The following GAB3 variants were observed in gnomAD, a reference collection of about 807,000 sequenced individuals.
The protein encoded by GAB3 is GRB2 associated binding protein 3.
Under a neutral mutation model 40.4 loss-of-function variants are expected in GAB3, and 12 were observed. That is an observed-to-expected ratio of 0.30 (90% CI 0.19 to 0.48). The LOEUF (loss-of-function observed/expected upper bound fraction) is 0.48, where lower values mean the gene tolerates loss of function less well. GAB3 is among the 20% of genes least tolerant of loss of function. The pLI is 0.99. For synonymous variants in GAB3, 154 were observed against 176.7 expected, an observed-to-expected ratio of 0.87 and a Z score of 1.02; for missense variants, 381 against 461.9, an observed-to-expected ratio of 0.82 and a Z score of 1.61.
At chrX:154,738,573 G>A (rs1276005846) in intron 1 of GAB3, among the ~76,000 whole-genome samples, 4 of 111,709 alleles carry the variant, frequency 3.6e-5, no homozygotes, top group Non-Finnish European at 7.5e-5. Flanking sequence ...GGCCAGCATT[G>A]GAGTTGCTGT....
rs1331783333 is a variant in GAB3, at chrX:154,676,584, TGCTTCTTTGAAAATCAAAACG to T, written c.*1573_*1593del. 1 of 112,189 alleles carries T rather than the reference TGCTTCTTTGAAAATCAAAACG, an allele frequency of 8.9e-6. No homozygotes were observed. The highest frequency in any genetic ancestry group is 3.2e-5 in the African/African-American group (1 of 30,820). 9.2% of individuals were successfully genotyped at this position (112,189 alleles called of 1,213,427 possible). On this transcript the variant is annotated 3_prime_UTR_variant, in exon 10 of 10. Transcript: ENST00000424127. ...GGAAGAAAATAATGTCACCAGAACC[TGCTTCTTTGAAAATCAAAACG>T]GCTTCTTTGAAAATCAAAATGACTT... is the stretch of plus-strand genomic sequence containing the variant.
chrX:154,700,408 C>T (rs782003950), intron 4 of GAB3, among the ~76,000 whole-genome samples: 12 of 111,045 alleles, frequency 1.1e-4, no homozygotes, highest in Admixed American at 5.8e-4. Flanking sequence ...AACAGAGAAA[C>T]GATTGCCTTG....
intron 2 of GAB3, 118 bp from the exon 3 acceptor site, chrX:154,713,544 T>G (rs1557256915): frequency 1.9e-6 from 1 of 532,602 alleles, no homozygotes; most frequent in Non-Finnish European, 3.1e-6. Context: ...GTGTTTGTAC[T>G]GATGGAGAAG....
intron 4 of GAB3, among the ~76,000 whole-genome samples, chrX:154,707,473 T>C (rs2070829599): frequency 8.9e-6 from 1 of 112,534 alleles, no homozygotes; most frequent in South Asian, 3.6e-4. Flanking sequence ...TACAATTATT[T>C]GTCAGTTAAA....
Position 154,700,006 on chromosome X carries a change from A to T in GAB3, c.1123T>A (p.Leu375Met). Residue 375 changes from leucine (L) to methionine (M), a missense_variant and splice_region_variant, in exon 5 of 10, where the codon TTG becomes ATG. Leu to Met is a conservative substitution (Grantham distance 15). Around this residue, in one of 2 missense-constraint regions of GAB3, gnomAD observed 364 missense variants for 421.0 expected, o/e 0.86. Coordinates refer to ENST00000424127, the MANE Select transcript of GAB3 (RefSeq NM_001081573.3). The part of the protein sequence containing the change: ...RHRDKRLSLN[L>M]PCRFSPMYPT... ...AAGAACCTGAATGTTGAACTTACCAAATTCAAACTAAGCCGCTTGTCTCGG... is the reference window on the plus strand; with the variant it reads ...AAGAACCTGAATGTTGAACTTACCATATTCAAACTAAGCCGCTTGTCTCGG... The T allele has an allele frequency of 8.3e-7, 1 of 1,206,919 alleles. No homozygotes were observed. Among genetic ancestry groups the T allele is most frequent in the Non-Finnish European group, 1.1e-6 (1 of 892,333 alleles).
chrX:154,698,303 A>AT (rs1436344932), intron 6 of GAB3, among the ~76,000 whole-genome samples: 1 of 111,866 alleles, frequency 8.9e-6, no homozygotes, highest in African/African-American at 3.3e-5. Context: ...TGGATTTTAC[A>AT]TATCTTCCTC....
intron 4 of GAB3, among the ~76,000 whole-genome samples, chrX:154,712,010 T>C (rs782109443): frequency 8.9e-6 from 1 of 112,077 alleles, no homozygotes; most frequent in Admixed American, 9.4e-5. Context: ...CCACCAAGGA[T>C]CCAGCCCCAT....
intron 1 of GAB3, among the ~76,000 whole-genome samples, chrX:154,740,387 G>A (rs2071418893): frequency 8.9e-6 from 1 of 112,097 alleles, no homozygotes; most frequent in African/African-American, 3.2e-5. Flanking sequence ...GTATATGCAT[G>A]GAATATATCT....
intron 2 of GAB3, among the ~76,000 whole-genome samples, chrX:154,714,727 C>A (rs1338001392): frequency 1.8e-5 from 2 of 111,545 alleles, no homozygotes; most frequent in Admixed American, 9.5e-5. Context: ...TAGGATAACT[C>A]CTGGATAAGG....
intron 1 of GAB3, among the ~76,000 whole-genome samples, chrX:154,750,012 G>A (rs1346161219): frequency 3.5e-5 from 4 of 112,908 alleles, no homozygotes; most frequent in Middle Eastern, 4.2e-3. Flanking sequence ...CTTTGGATGA[G>A]CGCAGACATG....
intron 1 of GAB3, among the ~76,000 whole-genome samples, chrX:154,750,700 C>T (rs2071600165): frequency 8.9e-6 from 1 of 112,701 alleles, no homozygotes; most frequent in Admixed American, 9.2e-5. Context: ...CCTCCCTCCG[C>T]TAGAGTCAGC....
At chrX:154,729,816 T>C (rs1298512727) in intron 1 of GAB3, among the ~76,000 whole-genome samples, 4 of 111,968 alleles carry the variant, frequency 3.6e-5, no homozygotes, top group African/African-American at 1.3e-4. Flanking sequence ...CTCAGACAGA[T>C]GAAGTGGCTT....
At chrX:154,740,244 T>C (rs782262433) in intron 1 of GAB3, among the ~76,000 whole-genome samples, 1 of 112,160 alleles carries the variant, frequency 8.9e-6, no homozygotes, top group African/African-American at 3.2e-5. Flanking sequence ...TATCTCCACA[T>C]AGTGAAATAT....
intron 1 of GAB3, among the ~76,000 whole-genome samples, chrX:154,716,902 C>T (rs1173433072): frequency 1.8e-5 from 2 of 111,822 alleles, no homozygotes; most frequent in African/African-American, 6.5e-5. Flanking sequence ...GATTAAAACA[C>T]TAATAGAATT....
At position 154,751,022 on chromosome X, in the gene GAB3, T is replaced by C; in HGVS notation, c.4A>G (p.Ser2Gly). 1 of 810,696 alleles carries C rather than the reference T, an allele frequency of 1.2e-6. No individual in the cohort carries two copies. Among genetic ancestry groups the C allele is most frequent in the Non-Finnish European group, 1.5e-6 (1 of 670,866 alleles). The allele number at this position is 810,696 out of a possible 1,213,427, so 66.8% of individuals were successfully genotyped here. A position where few individuals can be genotyped will look rare whatever the true frequency, so the allele number is the denominator to read the frequency against. M[S>G]AGDAVCTGWL... is the part of the protein sequence containing the mutation. Reference sequence around the variant, plus strand: ...CCGGTGCACACTGCGTCGCCCGCACTCATCGTGGCCGCCGCCGCCGCTTCC... The same window carrying C: ...CCGGTGCACACTGCGTCGCCCGCACCCATCGTGGCCGCCGCCGCCGCTTCC... The change falls in exon 1 of 10, where the codon AGT becomes GGT. Residue 2 changes from serine to glycine, a missense_variant. Physicochemically the swap from Ser to Gly is moderately conservative, Grantham distance 56. Coordinates refer to ENST00000424127, the MANE Select transcript of GAB3 (RefSeq NM_001081573.3).
chrX:154,686,978 T>C (rs782615515), intron 8 of GAB3, among the ~76,000 whole-genome samples: 1 of 107,430 alleles, frequency 9.3e-6, no homozygotes, highest in African/African-American at 3.4e-5. Context: ...TCACTTGAGG[T>C]CGGGGGTTCG....
intron 1 of GAB3, among the ~76,000 whole-genome samples, chrX:154,739,069 A>G (rs2071401655): frequency 8.9e-6 from 1 of 112,048 alleles, no homozygotes; most frequent in Non-Finnish European, 1.9e-5. Flanking sequence ...TGCCTAATTA[A>G]ATCATCATCT....
rs1454542598 is a variant in GAB3 at position 154,735,056 on chromosome X, G to C, written c.72+15898C>G. 5.4e-5 allele frequency among the ~76,000 whole-genome samples: 6 copies of C among 112,108 alleles called. No homozygotes were observed. The East Asian group carries it at 1.7e-3, about 31-fold the overall frequency. The stretch of plus-strand genomic sequence containing the variant: ...AAACATGGGCAAAATATATGAATCA[G>C]TATTTCACAGAAAAAGAAACAGAAA... On this transcript the variant is annotated intron_variant, in intron 1 of 9. Coordinates refer to ENST00000424127, the MANE Select transcript of GAB3 (RefSeq NM_001081573.3).
chrX:154,711,225 T>G (rs1196500097), intron 4 of GAB3, among the ~76,000 whole-genome samples: 1 of 111,318 alleles, frequency 9.0e-6, no homozygotes, highest in Non-Finnish European at 1.9e-5. Flanking sequence ...TATATTTCAA[T>G]GGAGAGAGAA....
Sources: allele counts gnomAD v4.1 joint callset (sites outside exome capture counted in the v4.1 genomes callset), GRCh38; gene constraint gnomAD v4.1.1; regional missense constraint gnomAD v4.1.1; transcripts MANE v1.5; gene names NCBI Gene and HGNC (gene_info 2026-07-23, HGNC 2026-07-21).